The following MAPK10 variants were observed in gnomAD, a reference collection of about 807,000 sequenced individuals.
The protein encoded by MAPK10 is mitogen-activated protein kinase 10.
In MAPK10, 25 loss-of-function variants were observed where a neutral mutation model predicts 59.3. The ratio of observed to expected loss-of-function variants is 0.42; its 90% CI spans 0.31 to 0.59. The LOEUF (loss-of-function observed/expected upper bound fraction) is 0.59, where lower values mean the gene tolerates loss of function less well. Ranked by LOEUF, MAPK10 falls within the 20% of genes least tolerant of loss-of-function variation. MAPK10 has a pLI of 0.15. For missense variants in MAPK10, 351 were observed against 568.9 expected (o/e 0.62, Z 3.90); for synonymous variants, 190 against 200.5 (o/e 0.95, Z 0.44).
intron 2 of MAPK10, among the ~76,000 whole-genome samples, chr4:86,255,725 G>T (rs185801629): frequency 2.6e-5 from 4 of 151,584 alleles, no homozygotes; most frequent in Non-Finnish European, 5.9e-5. Flanking sequence ...GGGTGGGAGG[G>T]TTCCCTCTGC....
chr4:86,041,623 GA>G (rs1053625970), intron 11 of MAPK10, among the ~76,000 whole-genome samples: 1 of 151,920 alleles, frequency 6.6e-6, no homozygotes, highest in East Asian at 1.9e-4. Context: ...AAATTTACAA[GA>G]AAAAAACAAA....
At chr4:86,155,150 C>CT (rs1369866227) in intron 4 of MAPK10, among the ~76,000 whole-genome samples, 1 of 151,788 alleles carries the variant, frequency 6.6e-6, no homozygotes, top group African/African-American at 2.4e-5. Context: ...TAAATAGTGT[C>CT]TTTTTTTAAA....
intron 9 of MAPK10, among the ~76,000 whole-genome samples, chr4:86,078,992 AC>A (rs1195573151): frequency 2.0e-5 from 3 of 150,242 alleles, no homozygotes; most frequent in Non-Finnish European, 4.4e-5. Flanking sequence ...TTTGTCCCCC[AC>A]CCCCCCAAAA....
chr4:86,551,555 C>T lies in MAPK10; in HGVS notation c.-263+42355G>A, dbSNP rs183159080. On this transcript the variant is annotated intron_variant, in intron 1 of 4. Coordinates refer to the MAPK10 transcript ENST00000502302. Reference sequence around the variant, plus strand: ...TCCTTCCTTCCTTCCTTCCTTCTTTCCTTCCTTCTTCTCTCTTTCTTTCTC... The same window carrying T: ...TCCTTCCTTCCTTCCTTCCTTCTTTTCTTCCTTCTTCTCTCTTTCTTTCTC... Among the ~76,000 whole-genome samples, 523 of 151,192 alleles carry T rather than the reference C, an allele frequency of 3.5e-3. 8 individuals carry two copies. The highest frequency in any genetic ancestry group is 5.6e-3 in the Non-Finnish European group (379 of 67,748).
chr4:86,234,817 TA>T (rs1421041656), intron 2 of MAPK10, among the ~76,000 whole-genome samples: 1 of 152,184 alleles, frequency 6.6e-6, no homozygotes, highest in Non-Finnish European at 1.5e-5. Context: ...ATATTAGACT[TA>T]AATCAACAAC....
At chr4:86,031,730 C>A in intron 11 of MAPK10, 1 of 264,174 alleles carries the variant, frequency 3.8e-6, no homozygotes, top group Non-Finnish European at 7.2e-6. Flanking sequence ...CAATTAATGA[C>A]TGGTCTTTTA....
At chr4:86,281,858 A>T (rs1390945406) in intron 2 of MAPK10, among the ~76,000 whole-genome samples, 3 of 152,214 alleles carry the variant, frequency 2.0e-5, no homozygotes, top group African/African-American at 4.8e-5. Context: ...ATGCAAAAAA[A>T]AAATGGCTCA....
chr4:86,565,953 C>T (rs1034407102), intron 1 of MAPK10, among the ~76,000 whole-genome samples: 5 of 152,160 alleles, frequency 3.3e-5, no homozygotes, highest in African/African-American at 1.2e-4. Context: ...TTGCTCAATT[C>T]CTTCCCCCCA....
At chr4:86,098,681 G>A in intron 8 of MAPK10, 86 bp from the exon 9 acceptor site, 1 of 1,134,310 alleles carries the variant, frequency 8.8e-7, no homozygotes. Flanking sequence ...GGAGGAAAAA[G>A]AACAGTTTGA....
intron 3 of MAPK10, among the ~76,000 whole-genome samples, chr4:86,186,645 G>A (rs2078307889): frequency 6.6e-6 from 1 of 152,080 alleles, no homozygotes; most frequent in South Asian, 2.1e-4. Flanking sequence ...TCAAAGAGAA[G>A]GTGCAATGAT....
chr4:86,372,280 A>G (rs1444379366), intron 1 of MAPK10, among the ~76,000 whole-genome samples: 1 of 152,148 alleles, frequency 6.6e-6, no homozygotes, highest in Non-Finnish European at 1.5e-5. Context: ...GCTCTTTGGG[A>G]AGCTGAGGTG....
intron 4 of MAPK10, among the ~76,000 whole-genome samples, chr4:86,108,854 C>G (rs539092554): frequency 4.1e-4 from 63 of 152,288 alleles, no homozygotes; most frequent in Middle Eastern, 3.4e-3. Flanking sequence ...CAATGCGTGG[C>G]CTAGAGTCAA....
Position 86,037,286 on chromosome 4 carries a change from C to T in MAPK10, c.1111-5855G>A, listed in dbSNP as rs1578940897. 1.3e-5 allele frequency among the ~76,000 whole-genome samples: 2 copies of T among 152,086 alleles called. 1 individual carries two copies. Among genetic ancestry groups the T allele is most frequent in the Admixed American group, 1.3e-4 (2 of 15,264 alleles). ...CTGTAATCCCAGGCCTTTGGGAGGC[C>T]GAGGTGGGCAGATCACGAGGTCAGG... On this transcript the variant is annotated intron_variant, in intron 11 of 13. Transcript: ENST00000641462.
chr4:86,394,141 C>T (rs906991107), intron 1 of MAPK10, among the ~76,000 whole-genome samples: 5 of 152,046 alleles, frequency 3.3e-5, no homozygotes, highest in East Asian at 3.9e-4. Context: ...TGGTGGCATG[C>T]ACCTGTAATC....
At chr4:86,291,247 A>T (rs2095216814) in intron 2 of MAPK10, among the ~76,000 whole-genome samples, 1 of 152,200 alleles carries the variant, frequency 6.6e-6, no homozygotes, top group East Asian at 1.9e-4. Flanking sequence ...TAAATAAGCA[A>T]AAGAAACATA....
chr4:86,183,036 T>C (rs2077259335), intron 3 of MAPK10, among the ~76,000 whole-genome samples: 1 of 152,104 alleles, frequency 6.6e-6, no homozygotes, highest in South Asian at 2.1e-4. Context: ...TTTTAAAAAA[T>C]GGCTGAAATT....
chr4:86,279,686 G>C (rs754303717), intron 2 of MAPK10, among the ~76,000 whole-genome samples: 7 of 152,046 alleles, frequency 4.6e-5, no homozygotes, highest in African/African-American at 1.2e-4. Flanking sequence ...ACATTACTAG[G>C]GGGGGCTCAA....
chr4:86,318,336 G>A (rs2095828729), intron 2 of MAPK10, among the ~76,000 whole-genome samples: 1 of 152,038 alleles, frequency 6.6e-6, no homozygotes, highest in African/African-American at 2.4e-5. Flanking sequence ...TTTTAAAGGA[G>A]TATCATAATT....
chr4:86,184,924 G>T (rs1160946927), intron 3 of MAPK10, among the ~76,000 whole-genome samples: 3 of 152,094 alleles, frequency 2.0e-5, no homozygotes, highest in Non-Finnish European at 4.4e-5. Flanking sequence ...AGATACTATT[G>T]TGAGTTCTGC....
Sources: allele counts gnomAD v4.1 joint callset (sites outside exome capture counted in the v4.1 genomes callset), GRCh38; gene constraint gnomAD v4.1.1; transcripts MANE v1.5; gene names NCBI Gene and HGNC (gene_info 2026-07-23, HGNC 2026-07-21).